Variants in CCDC102B observed in about 807,000 individuals in gnomAD.
CCDC102B encodes coiled-coil domain containing 102B, also known as coiled-coil domain-containing protein 102B.
CCDC102B carries 75 observed loss-of-function variants against 57.4 expected under a neutral mutation model. That is an observed-to-expected ratio of 1.31 (90% CI 1.08 to 1.58). CCDC102B has a LOEUF of 1.58. Among genes scored for constraint, CCDC102B ranks in the 40% most tolerant of loss-of-function variants. CCDC102B has a pLI of 0.00. For missense variants in CCDC102B, 636 were observed against 582.6 expected, an observed-to-expected ratio of 1.09 and a Z score of -0.94; for synonymous variants, 206 against 201.9, an observed-to-expected ratio of 1.02 and a Z score of -0.17.
rs60407642 is a variant in CCDC102B at position 68,741,667 on chromosome 18, TCACACACACACACA to T, written c.-67+25107_-67+25120del. Among the ~76,000 whole-genome samples, 777 of 140,368 alleles carry T rather than the reference TCACACACACACACA, an allele frequency of 5.5e-3. 6 individuals carry two copies. Among genetic ancestry groups the T allele is most frequent in the African/African-American group, 0.019 (713 of 37,584 alleles). 92.1% of individuals were successfully genotyped at this position (140,368 alleles called of 152,430 possible). A position where few individuals can be genotyped will look rare whatever the true frequency, so the allele number is the denominator to read the frequency against. On this transcript the variant is annotated intron_variant, in intron 2 of 3. Transcript: ENST00000578970. ...AATTTTGTCCAAATGTGAAGACTGG[TCACACACACACACA>T]CACACACACACACACACACACACAC...
chr18:68,890,998 C>G (rs1011053543), intron 5 of CCDC102B, among the ~76,000 whole-genome samples: 5 of 152,116 alleles, frequency 3.3e-5, no homozygotes, highest in African/African-American at 1.2e-4. Flanking sequence ...CATAATGTAG[C>G]TGTAAATGTT....
At chr18:68,809,662 A>C (rs1338025884) in intron 1 of CCDC102B, among the ~76,000 whole-genome samples, 1 of 152,220 alleles carries the variant, frequency 6.6e-6, no homozygotes, top group Non-Finnish European at 1.5e-5. Context: ...AAGCTCCATG[A>C]GAGTGGACAT....
rs377687147 is a variant in CCDC102B, at chr18:68,732,587, T to A, written c.-67+15993T>A. 9.9e-5 allele frequency among the ~76,000 whole-genome samples: 15 copies of A among 152,108 alleles called. No homozygotes were observed. The East Asian group carries it at 2.9e-3, about 30-fold the overall frequency. ...GTCTTGAACTCCTGACCTCAGGCGA[T>A]CTGCCTGCCTCAGCCTCCCAAAGTA... On this transcript the variant is annotated intron_variant, in intron 2 of 3. Transcript: ENST00000578970.
chr18:68,860,475 C>CAAAAAAAAAAAAAAAAAAA (rs1169097862), intron 4 of CCDC102B, among the ~76,000 whole-genome samples: 19 of 52,962 alleles, frequency 3.6e-4, no homozygotes, highest in South Asian at 6.2e-4. Flanking sequence ...AAAACAAAAA[C>CAAAAAAAAAAAAAAAAAAA]AAAAAAAAAA....
Position 68,868,603 on chromosome 18 carries a change from C to T in CCDC102B, c.937-6066C>T, listed in dbSNP as rs900787843. Among the ~76,000 whole-genome samples, 82 of 152,266 alleles carry T rather than the reference C, an allele frequency of 5.4e-4. 1 individual carries two copies. The highest frequency in any genetic ancestry group is 1.9e-3 in the African/African-American group (78 of 41,556). Reference sequence around the variant, plus strand: ...ACTCTTTGGACACATTTCCTTCTTACGTTCCTCACCTTTCATAAGAATATA... The same window carrying T: ...ACTCTTTGGACACATTTCCTTCTTATGTTCCTCACCTTTCATAAGAATATA... On this transcript the variant is annotated intron_variant, in intron 4 of 7. Transcript: ENST00000360242.
intron 6 of CCDC102B, among the ~76,000 whole-genome samples, chr18:69,000,701 A>G (rs1210847485): frequency 6.6e-6 from 1 of 152,208 alleles, no homozygotes; most frequent in Non-Finnish European, 1.5e-5. Flanking sequence ...AAGTTATTAT[A>G]TTAGAATTTA....
At chr18:69,037,578 T>C (rs753554398) in intron 7 of CCDC102B, among the ~76,000 whole-genome samples, 2 of 151,948 alleles carry the variant, frequency 1.3e-5, no homozygotes, top group Non-Finnish European at 2.9e-5. Flanking sequence ...TGAGTCATTA[T>C]TTTCATTGTA....
intron 6 of CCDC102B, among the ~76,000 whole-genome samples, chr18:68,939,285 A>C (rs2049320794): frequency 6.6e-6 from 1 of 151,610 alleles, no homozygotes; most frequent in Admixed American, 6.6e-5. Flanking sequence ...CAGGGGCTTT[A>C]TTTCTGTTCA....
chr18:69,051,691 G>A (rs532519131), intron 7 of CCDC102B, among the ~76,000 whole-genome samples: 1 of 151,754 alleles, frequency 6.6e-6, no homozygotes, highest in Non-Finnish European at 1.5e-5. Flanking sequence ...CAAAAAAAGG[G>A]TTTGCTATCA....
At chr18:69,011,203 G>T in intron 7 of CCDC102B, 99 bp downstream of exon 7, 4 of 1,056,828 alleles carry the variant, frequency 3.8e-6, no homozygotes, top group Non-Finnish European at 5.4e-6. Context: ...GCATTAATGG[G>T]ATATAAATAT....
At chr18:68,871,319 A>T (rs1478317780) in intron 4 of CCDC102B, among the ~76,000 whole-genome samples, 1 of 152,148 alleles carries the variant, frequency 6.6e-6, no homozygotes, top group African/African-American at 2.4e-5. Flanking sequence ...AACTTAACGA[A>T]TGTGATATAT....
intron 2 of CCDC102B, among the ~76,000 whole-genome samples, chr18:68,787,145 T>A (rs1442690683): frequency 3.3e-5 from 5 of 150,556 alleles, no homozygotes; most frequent in Admixed American, 3.3e-4. Flanking sequence ...GATTTGCATA[T>A]ATTGAACCAG....
chr18:69,028,821 A>G (rs2052061466), intron 7 of CCDC102B, among the ~76,000 whole-genome samples: 1 of 152,102 alleles, frequency 6.6e-6, no homozygotes, highest in South Asian at 2.1e-4. Flanking sequence ...TTCTAATTGT[A>G]GTCCTCAGAT....
intron 1 of CCDC102B, among the ~76,000 whole-genome samples, chr18:68,817,445 A>C (rs1338770794): frequency 6.6e-6 from 1 of 152,190 alleles, no homozygotes; most frequent in East Asian, 1.9e-4. Context: ...TTCCATTTTA[A>C]CATTTAAACA....
At chr18:68,870,442 G>C (rs1470922866) in intron 4 of CCDC102B, among the ~76,000 whole-genome samples, 1 of 152,176 alleles carries the variant, frequency 6.6e-6, no homozygotes, top group African/African-American at 2.4e-5. Context: ...AAAGTATCGA[G>C]CAATTAAATG....
At chr18:68,770,552 C>G (rs1408099408) in intron 2 of CCDC102B, among the ~76,000 whole-genome samples, 1 of 152,164 alleles carries the variant, frequency 6.6e-6, no homozygotes, top group Admixed American at 6.5e-5. Flanking sequence ...CCTCCTACCT[C>G]AGAGGGGGGA....
chr18:68,724,017 G>T (rs1230625905), intron 2 of CCDC102B, among the ~76,000 whole-genome samples: 2 of 152,180 alleles, frequency 1.3e-5, no homozygotes, highest in South Asian at 2.1e-4. Context: ...CTAGATGCAG[G>T]TTCCCAAACC....
chr18:68,885,673 G>A (rs1329999460), intron 5 of CCDC102B, among the ~76,000 whole-genome samples: 3 of 148,736 alleles, frequency 2.0e-5, no homozygotes, highest in Admixed American at 1.3e-4. Context: ...ATATAGATTA[G>A]AATAGTACAT....
chr18:68,834,818 T>TC (rs2037296965), intron 1 of CCDC102B, among the ~76,000 whole-genome samples: 1 of 151,944 alleles, frequency 6.6e-6, no homozygotes, highest in Admixed American at 6.6e-5. Flanking sequence ...AGTCTTTTTT[T>TC]CCCAATGATT....
Sources: gnomAD v4.1 joint callset for allele counts (sites outside exome capture counted in the v4.1 genomes callset) on GRCh38, gnomAD v4.1.1 for gene constraint, MANE v1.5 for transcripts, NCBI Gene and HGNC (gene_info 2026-07-23, HGNC 2026-07-21) for gene names.